The following MAN2B2 variants were observed in gnomAD, a reference collection of about 807,000 sequenced individuals.
MAN2B2 encodes the protein mannosidase alpha class 2B member 2.
In MAN2B2, 106 loss-of-function variants were observed where a neutral mutation model predicts 117.1. The ratio of observed to expected loss-of-function variants is 0.90; its 90% confidence interval spans 0.77 to 1.06. The LOEUF (loss-of-function observed/expected upper bound fraction) is 1.06, where lower values mean the gene tolerates loss of function less well. Among genes scored for constraint, MAN2B2 ranks in the 50% least tolerant of loss-of-function variants. The pLI is 0.00. For missense variants in MAN2B2, 1,326 were observed against 1,381.4 expected (o/e 0.96, Z 0.64); for synonymous variants, 544 against 595.1 (o/e 0.91, Z 1.25).
Position 6,589,052 on chromosome 4 carries a change from A to T in MAN2B2, c.572A>T (p.Gln191Leu). The T allele has an allele frequency of 6.2e-7, 1 of 1,613,792 alleles. No individual in the cohort carries two copies. The highest frequency in any genetic ancestry group is 8.5e-7 in the Non-Finnish European group (1 of 1,179,710). Reference protein sequence around the residue: ...KAAMQEARGLQFVWRGSPSLS... With the variant: ...KAAMQEARGLLFVWRGSPSLS... ...CTTCTCCTCGGTTTGCAGGGGCTGC[A>T]GTTCGTGTGGCGAGGGTCCCCATCC... is the stretch of plus-strand genomic sequence containing the variant. Residue 191 changes from glutamine (Q) to leucine (L), a missense_variant, in exon 5 of 19, where the codon CAG becomes CTG. Coordinates refer to ENST00000285599, the MANE Select transcript of MAN2B2 (RefSeq NM_015274.3).
At chr4:6,608,015 G>A (rs916459823) in intron 11 of MAN2B2, among the ~76,000 whole-genome samples, 2 of 152,174 alleles carry the variant, frequency 1.3e-5, no homozygotes. Context: ...GTACTTACTG[G>A]TCACTAGCAT....
At chr4:6,602,648 A>G (rs1186014830) in intron 10 of MAN2B2, among the ~76,000 whole-genome samples, 1 of 151,062 alleles carries the variant, frequency 6.6e-6, no homozygotes, top group Non-Finnish European at 1.5e-5. Flanking sequence ...ACTTTTTAAA[A>G]CAATTTTTAC....
At chr4:6,616,834 C>T (rs377258495) in intron 16 of MAN2B2, among the ~76,000 whole-genome samples, 45 of 152,304 alleles carry the variant, frequency 3.0e-4, no homozygotes, top group African/African-American at 9.1e-4. Context: ...GCCTTGGGCA[C>T]GTGACTGCCC....
intron 5 of MAN2B2, among the ~76,000 whole-genome samples, chr4:6,590,037 A>G (rs1415737324): frequency 6.6e-6 from 1 of 151,876 alleles, no homozygotes; most frequent in Non-Finnish European, 1.5e-5. Flanking sequence ...ACTGCACTCC[A>G]GCCTGGGCAA....
chr4:6,603,888 C>T (rs1444883417), intron 10 of MAN2B2, among the ~76,000 whole-genome samples: 1 of 152,106 alleles, frequency 6.6e-6, no homozygotes, highest in Non-Finnish European at 1.5e-5. Context: ...AAGGCTGGGT[C>T]GGGAGGCGTG....
intron 17 of MAN2B2, chr4:6,618,463 T>C (rs1305784717): frequency 2.0e-5 from 3 of 152,190 alleles, no homozygotes; most frequent in Non-Finnish European, 4.4e-5. Context: ...TGGGCCTCAG[T>C]TTCCCCCCAT....
At position 6,594,783 on chromosome 4, in the gene MAN2B2, G is replaced by A. The variant is rs374332497; in HGVS notation, c.1057+51G>A. On this transcript the variant is annotated intron_variant, in intron 7 of 18. Coordinates refer to ENST00000285599, the MANE Select transcript of MAN2B2 (RefSeq NM_015274.3). ...GTAGTTTGGTGGCAGGGAGGGTATAGTCCACGTACCCTCTGCCCACTTCAG... is the reference window on the plus strand; with the variant it reads ...GTAGTTTGGTGGCAGGGAGGGTATAATCCACGTACCCTCTGCCCACTTCAG... 40 of 1,537,814 alleles carry A rather than the reference G, an allele frequency of 2.6e-5. 1 individual carries two copies. In the South Asian group the frequency reaches 4.6e-4, roughly 18 times the overall value.
intron 17 of MAN2B2, 101 bp from the exon 18 acceptor site, chr4:6,619,826 G>A: frequency 1.0e-6 from 1 of 1,002,346 alleles, no homozygotes; most frequent in Non-Finnish European, 1.5e-6. Flanking sequence ...GGCTCCTGAG[G>A]ACACCGAGTT....
rs1159337576 is a variant in MAN2B2 at position 6,610,060 on chromosome 4, G to A, written c.2259+10G>A. 6.2e-7 allele frequency: 1 copy of A among 1,613,628 alleles called. No homozygotes were observed. ...CAACAGCATCGCCCGGGTATGTCCT[G>A]CAATGCCCACAAGGCACGCTCCCAA... On this transcript the variant is annotated intron_variant, in intron 13 of 18. Transcript: ENST00000285599.
chr4:6,591,525 T>C (rs1030800189), intron 5 of MAN2B2, among the ~76,000 whole-genome samples: 2 of 152,170 alleles, frequency 1.3e-5, no homozygotes, highest in Non-Finnish European at 2.9e-5. Flanking sequence ...TTTCACCAGC[T>C]GGCAGGGAGG....
In MAN2B2 at chr4:6,576,638, G is replaced by A. The variant is rs749345477; in HGVS notation, c.199G>A (p.Gly67Ser). 2.5e-5 allele frequency: 40 copies of A among 1,613,890 alleles called. No homozygotes were observed. The highest frequency in any genetic ancestry group is 1.7e-4 in the Middle Eastern group (1 of 6,058). The stretch of plus-strand genomic sequence containing the variant: ...CTCAGTGGTGGAAGAGCTGGCCCGC[G>A]GCCAGCAGCGCCGGTTCATCGCTGT... The part of the protein sequence containing the change: ...YTSVVEELAR[G>S]QQRRFIAVEQ... The change falls in exon 2 of 19, where the codon GGC becomes AGC. Residue 67 changes from glycine (G) to serine (S), a missense_variant. By Grantham distance (56) the Gly-to-Ser change is moderately conservative. Coordinates refer to ENST00000285599, the MANE Select transcript of MAN2B2 (RefSeq NM_015274.3).
intron 8 of MAN2B2, 122 bp from the exon 9 acceptor site, chr4:6,598,076 C>T: frequency 9.4e-7 from 1 of 1,068,674 alleles, no homozygotes; most frequent in Non-Finnish European, 1.4e-6. Context: ...GCGGGGACTG[C>T]CCCCTTCTCC....
chr4:6,594,842 G>A, intron 7 of MAN2B2, 110 bp downstream of exon 7: 1 of 1,186,206 alleles, frequency 8.4e-7, no homozygotes, highest in Non-Finnish European at 1.2e-6. Flanking sequence ...AGCCCTGGAG[G>A]GGTTCCAGGC....
rs150199566 is a variant in MAN2B2 at position 6,595,910 on chromosome 4, C to G, written c.1057+1178C>G. ...GGGGCTGCATAGTCCCCGGCTCCTG[C>G]TGTTGACACCACATTGGAGGCAGGT... On this transcript the variant is annotated intron_variant, in intron 7 of 18. Transcript: ENST00000285599. Among the ~76,000 whole-genome samples, 954 of 152,288 alleles carry G rather than the reference C, an allele frequency of 6.3e-3. 14 individuals are homozygous for G. The highest frequency in any genetic ancestry group is 0.022 in the African/African-American group (930 of 41,558).
intron 5 of MAN2B2, among the ~76,000 whole-genome samples, chr4:6,589,493 G>A (rs989457354): frequency 6.6e-6 from 1 of 152,070 alleles, no homozygotes; most frequent in Non-Finnish European, 1.5e-5. Context: ...CACCTGCCTT[G>A]GCCTCCCAAA....
chr4:6,598,182 C>A lies in MAN2B2; in HGVS notation c.1249-16C>A. 6.2e-7 allele frequency: 1 copy of A among 1,611,302 alleles called. No homozygotes were observed. Among genetic ancestry groups the A allele is most frequent in the Non-Finnish European group, 8.5e-7 (1 of 1,178,208 alleles). On this transcript the variant is annotated splice_polypyrimidine_tract_variant and intron_variant, in intron 8 of 18. Coordinates refer to ENST00000285599, the MANE Select transcript of MAN2B2 (RefSeq NM_015274.3). ...GTCCTGATCCTGTTCTTCCTCCCCT[C>A]TGGGGGTTGCTGCAGGTCCAGCACC...
At chr4:6,592,208 G>A (rs961487013) in intron 5 of MAN2B2, among the ~76,000 whole-genome samples, 5 of 152,310 alleles carry the variant, frequency 3.3e-5, no homozygotes, top group East Asian at 1.9e-4. Flanking sequence ...ATTAATTAGC[G>A]GTCACTGCCA....
intron 17 of MAN2B2, chr4:6,619,667 C>T: frequency 5.0e-6 from 2 of 400,328 alleles, no homozygotes; most frequent in South Asian, 2.5e-5. Context: ...CCACACCTCC[C>T]GGGCTGCTCC....
In MAN2B2 at chr4:6,621,627, G is replaced by A. The variant is rs1282325295; in HGVS notation, c.*342G>A. ...AGAGCACAAGACTCACAGCAGCACC[G>A]AAGCGCATCTGCCGTCCGGGCCCTG... On this transcript the variant is annotated 3_prime_UTR_variant, in exon 19 of 19. Coordinates refer to ENST00000285599, the MANE Select transcript of MAN2B2 (RefSeq NM_015274.3). 8 of 194,572 alleles carry A rather than the reference G, an allele frequency of 4.1e-5. No individual in the cohort carries two copies. The highest frequency in any genetic ancestry group is 1.6e-4 in the African/African-American group (7 of 42,868). 12.1% of individuals were successfully genotyped at this position (194,572 alleles called of 1,614,324 possible).
Sources: gnomAD v4.1 joint callset for allele counts (sites outside exome capture counted in the v4.1 genomes callset) on GRCh38, gnomAD v4.1.1 for gene constraint, MANE v1.5 for transcripts, NCBI Gene and HGNC (gene_info 2026-07-23, HGNC 2026-07-21) for gene names.